The following CCDC33 variants were observed in gnomAD, a reference collection of about 807,000 sequenced individuals.
CCDC33 encodes the protein coiled-coil domain containing 33, also known as coiled-coil domain-containing protein 33.
Under a neutral mutation model 91.9 loss-of-function variants are expected in CCDC33, and 94 were observed. That is an observed-to-expected ratio of 1.02 (90% CI 0.87 to 1.21). The LOEUF (loss-of-function observed/expected upper bound fraction) is 1.21, where lower values mean the gene tolerates loss of function less well. Among genes scored for constraint, CCDC33 ranks in the 50% most tolerant of loss-of-function variants. The pLI is 0.00. For synonymous variants in CCDC33, 396 were observed against 374.5 expected (o/e 1.06, Z -0.66); for missense variants, 940 against 935.5 (o/e 1.00, Z -0.06).
intron 17 of CCDC33, among the ~76,000 whole-genome samples, chr15:74,334,662 T>C (rs575195609): frequency 0.026 from 3,824 of 144,996 alleles, 166 homozygotes; most frequent in African/African-American, 0.1. Context: ...GTTCAGTGTA[T>C]ATCCAGGGTC....
In CCDC33 at chr15:74,330,701, A is replaced by G; in HGVS notation, c.1495A>G (p.Met499Val). The change falls in exon 13 of 19, where the codon ATG (methionine) becomes GTG (valine). Residue 499 changes from methionine (M) to valine (V), a missense_variant. By Grantham distance (21) the Met-to-Val change is conservative (BLOSUM62 1). Transcript: ENST00000398814. ...KQKLLLSELD[M>V]KKLRDRVQHL... ...GAAACTGCTGCTGAGTGAGCTGGAT[A>G]TGAAGAAACTGAGGGACAGGGTGCA... The G allele has an allele frequency of 1.9e-6, 3 of 1,613,698 alleles. No homozygotes were observed. The highest frequency in any genetic ancestry group is 2.5e-6 in the Non-Finnish European group (3 of 1,180,002).
intron 2 of CCDC33, among the ~76,000 whole-genome samples, chr15:74,260,383 G>C (rs1332055746): frequency 6.6e-6 from 1 of 152,206 alleles, no homozygotes; most frequent in Non-Finnish European, 1.5e-5. Flanking sequence ...CATCTGAGAA[G>C]GACTCCGGCT....
intron 6 of CCDC33, 46 bp from the exon 7 acceptor site, chr15:74,272,725 C>T: frequency 1.9e-6 from 3 of 1,604,278 alleles, no homozygotes; most frequent in Non-Finnish European, 1.7e-6. Flanking sequence ...CTGCCAGGCT[C>T]AGGTGCAGAG....
intron 7 of CCDC33, among the ~76,000 whole-genome samples, chr15:74,278,265 C>G (rs529371656): frequency 6.6e-6 from 1 of 152,042 alleles, no homozygotes; most frequent in Non-Finnish European, 1.5e-5. Flanking sequence ...TCATCAGCAC[C>G]CTGCCACTGT....
chr15:74,291,993 C>T (rs2059593649), intron 10 of CCDC33, among the ~76,000 whole-genome samples: 1 of 152,244 alleles, frequency 6.6e-6, no homozygotes, highest in African/African-American at 2.4e-5. Context: ...AGTGCGTGGC[C>T]ATGCATCTCT....
chr15:74,314,478 A>G (rs2060053037), intron 11 of CCDC33, among the ~76,000 whole-genome samples: 1 of 152,192 alleles, frequency 6.6e-6, no homozygotes, highest in Non-Finnish European at 1.5e-5. Flanking sequence ...TGGCGACCTC[A>G]AGGCAGACAG....
chr15:74,328,845 T>G (rs2060365465), intron 11 of CCDC33, among the ~76,000 whole-genome samples: 1 of 152,126 alleles, frequency 6.6e-6, no homozygotes, highest in Non-Finnish European at 1.5e-5. Context: ...CCTGGAGGTG[T>G]GAGTCCCCAC....
At chr15:74,318,373 G>C (rs1022783966) in intron 11 of CCDC33, among the ~76,000 whole-genome samples, 1 of 152,200 alleles carries the variant, frequency 6.6e-6, no homozygotes, top group Non-Finnish European at 1.5e-5. Flanking sequence ...AGCCCTCCCC[G>C]GCCCTGCTGT....
rs867067640 is a variant in CCDC33 at position 74,294,760 on chromosome 15, A to G, written c.1096-994A>G. 1.7e-4 allele frequency among the ~76,000 whole-genome samples: 25 copies of G among 150,970 alleles called. 1 individual carries two copies. In the South Asian group the frequency reaches 4.0e-3, roughly 24 times the overall value. ...AGACTCTGTCTCAAAAAAAAAAAAA[A>G]GAAAAAAAAATAGCAGGCAAGTCTG... On this transcript the variant is annotated intron_variant, in intron 10 of 18. Coordinates refer to ENST00000398814, the MANE Select transcript of CCDC33 (RefSeq NM_025055.5).
Position 74,280,697 on chromosome 15 carries a change from CA to C in CCDC33, c.920del (p.Gln307ArgfsTer10). 6.5e-7 allele frequency: 1 copy of C among 1,533,982 alleles called. No individual in the cohort carries two copies. The highest frequency in any genetic ancestry group is 8.8e-7 in the Non-Finnish European group (1 of 1,139,444). On this transcript the variant is annotated frameshift_variant, in exon 9 of 19. Transcript: ENST00000398814. LOFTEE classifies it high-confidence loss of function. The part of the protein sequence containing the change: ...MKGSQPWTLN[Q>X]PLGISVLPLK... ...AGGCAGCCAGCCGTGGACCCTCAAC[CA>C]GCCCCTGGGCATCTCTGTGTTGCCG... is the stretch of plus-strand genomic sequence containing the variant.
At chr15:74,297,371 C>T (rs1056616720) in intron 11 of CCDC33, among the ~76,000 whole-genome samples, 2 of 152,172 alleles carry the variant, frequency 1.3e-5, no homozygotes, top group African/African-American at 2.4e-5. Context: ...TCGTGGTTCC[C>T]CCTTCTTGTG....
Position 74,280,771 on chromosome 15 carries a change from C to T in CCDC33, c.993C>T (p.Asp331=), listed in dbSNP as rs754932690. 23 of 1,562,108 alleles carry T rather than the reference C, an allele frequency of 1.5e-5. No individual in the cohort carries two copies. In the East Asian group the frequency reaches 1.5e-4, roughly 10 times the overall value. ...YQKMLTGKGL[D]GLHVERLPIM... ...AGATGCTGACAGGGAAAGGCTTGGACGGGCTTCACGTGGAGCGGCTCCCCA... is the reference window on the plus strand; with the variant it reads ...AGATGCTGACAGGGAAAGGCTTGGATGGGCTTCACGTGGAGCGGCTCCCCA... Residue 331 remains aspartate (D), a synonymous_variant, in exon 9 of 19, where the codon GAC becomes GAT. Transcript: ENST00000398814.
chr15:74,282,415 G>A (rs2059387708), intron 10 of CCDC33, among the ~76,000 whole-genome samples: 1 of 152,106 alleles, frequency 6.6e-6, no homozygotes, highest in Non-Finnish European at 1.5e-5. Flanking sequence ...ACGCCCACAT[G>A]CCCCCTCACA....
intron 1 of CCDC33, chr15:74,209,210 G>A: frequency 6.6e-6 from 7 of 1,054,140 alleles, no homozygotes; most frequent in Middle Eastern, 2.1e-4. Context: ...GTCTCCAGCG[G>A]TATAGCCTCT....
intron 1 of CCDC33, chr15:74,209,021 T>C (rs763724318): frequency 1.5e-5 from 16 of 1,102,990 alleles, no homozygotes; most frequent in Non-Finnish European, 1.8e-5. Flanking sequence ...CTTTAAAAGG[T>C]GTTTGATCTG....
Position 74,244,015 on chromosome 15 carries a change from G to A in CCDC33, c.52G>A (p.Ala18Thr), listed in dbSNP as rs189088694. The change falls in exon 2 of 19, where the codon GCC (alanine) becomes ACC (threonine). Residue 18 changes from alanine to threonine, a missense_variant. Coordinates refer to ENST00000398814, the MANE Select transcript of CCDC33 (RefSeq NM_025055.5). This position sits in a 1 kb window ranked among gnomAD's most constrained non-coding sequence, Gnocchi z 4.2. ...TGAAGACCCAGAGGAGCCCCTGATC[G>A]CCTCCCAGAGCACGGAACCTGAGAT... ...NTEDPEEPLI[A>T]SQSTEPEIGH... is the part of the protein sequence containing the mutation. The A allele has an allele frequency of 1.5e-3, 2,418 of 1,612,508 alleles. 5 individuals carry two copies. Among genetic ancestry groups the A allele is most frequent in the Admixed American group, 1.9e-3 (112 of 59,948 alleles).
At chr15:74,280,855 G>A in intron 9 of CCDC33, 54 bp downstream of exon 9, 7 of 1,383,226 alleles carry the variant, frequency 5.1e-6, no homozygotes, top group Non-Finnish European at 4.7e-6. Context: ...GCCCCACCCT[G>A]CCTCACCCTG....
At chr15:74,243,623 G>C (rs2075418165) in intron 1 of CCDC33, 1 of 456,904 alleles carries the variant, frequency 2.2e-6, no homozygotes, top group Non-Finnish European at 4.4e-6. Context: ...TGAGTGGCTA[G>C]TGCTAGAGGG....
intron 2 of CCDC33, among the ~76,000 whole-genome samples, chr15:74,249,899 C>G (rs945284932): frequency 6.6e-6 from 1 of 152,170 alleles, no homozygotes; most frequent in African/African-American, 2.4e-5. Flanking sequence ...CCTTTCTCCC[C>G]CTCCAAGTTA....
Sources: gnomAD v4.1 joint callset for allele counts (sites outside exome capture counted in the v4.1 genomes callset) on GRCh38, gnomAD v4.1.1 for gene constraint, Gnocchi (gnomAD v3.1) non-coding constraint, MANE v1.5 for transcripts, NCBI Gene and HGNC (gene_info 2026-07-23, HGNC 2026-07-21) for gene names.